Variants in CSPG5 observed in about 807,000 individuals in gnomAD.
CSPG5 encodes the protein acidic leucine-rich EGF-like domain-containing brain protein.
A neutral mutation model predicts 39.8 loss-of-function variants in CSPG5; 25 were observed. The observed-to-expected ratio is 0.63, with a 90% CI of 0.46 to 0.88. The LOEUF (loss-of-function observed/expected upper bound fraction) is 0.88. CSPG5 is among the 40% of genes least tolerant of loss of function. The probability of loss-of-function intolerance (pLI) is 0.00; values close to 1 mark genes in which losing one functional copy is unlikely to be tolerated. For missense variants in CSPG5, 627 were observed against 702.2 expected (o/e 0.89, Z 1.21); for synonymous variants, 295 against 303.9 (o/e 0.97, Z 0.31).
chr3:47,578,562 A>T lies in CSPG5; in HGVS notation c.97+35T>A. 1 of 809,846 alleles carries T rather than the reference A, an allele frequency of 1.2e-6. No individual in the cohort carries two copies. Among genetic ancestry groups the T allele is most frequent in the Non-Finnish European group, 1.6e-6 (1 of 627,542 alleles). The allele number at this position is 809,846 out of a possible 1,614,324, so 50.2% of individuals were successfully genotyped here. A position where few individuals can be genotyped will look rare whatever the true frequency, so the allele number is the denominator to read the frequency against. The stretch of plus-strand genomic sequence containing the variant: ...GGACCCCTGCCCTGGGTGGGGCACG[A>T]GGGCCGCGGGGGTCCCGGGCGCAGT... On this transcript the variant is annotated intron_variant, in intron 1 of 4. Coordinates refer to ENST00000264723, the MANE Select transcript of CSPG5 (RefSeq NM_006574.4). The surrounding 1 kb of genome is among the most constrained non-coding windows in gnomAD (Gnocchi z 6.0).
In CSPG5 at chr3:47,577,899, C is replaced by A; in HGVS notation, c.127G>T (p.Glu43Ter). The A allele has an allele frequency of 2.7e-6, 4 of 1,477,324 alleles. No homozygotes were observed. The highest frequency in any genetic ancestry group is 3.5e-6 in the Non-Finnish European group (4 of 1,127,614). The allele number at this position is 1,477,324 out of a possible 1,614,324, so 91.5% of individuals were successfully genotyped here. A position where few individuals can be genotyped will look rare whatever the true frequency, so the allele number is the denominator to read the frequency against. Residue 43 changes from glutamate (E) to a stop codon, truncating the protein, a stop_gained, in exon 2 of 5, where the codon GAA (glutamate) becomes TAA (stop). Coordinates refer to ENST00000264723, the MANE Select transcript of CSPG5 (RefSeq NM_006574.4). LOFTEE classifies it high-confidence loss of function. This position sits in a 1 kb window ranked among gnomAD's most constrained non-coding sequence, Gnocchi z 4.7. ...GCCGGGCTGCCCTTCACCAGCTCTT[C>A]GGCCTCAACCGCGCTGCCCGCCTCA... ...AREAGSAVEA[E>*]ELVKGSPAWE... is the part of the protein sequence containing the mutation.
At chr3:47,573,231 A>G (rs995168949) in intron 2 of CSPG5, among the ~76,000 whole-genome samples, 3 of 152,216 alleles carry the variant, frequency 2.0e-5, no homozygotes, top group Non-Finnish European at 2.9e-5. Flanking sequence ...GGATCCTCTC[A>G]GGCCTCTCCC....
At position 47,576,848 on chromosome 3, in the gene CSPG5, A is replaced by G. The variant is rs2031757617; in HGVS notation, c.1178T>C (p.Ile393Thr). Residue 393 changes from isoleucine to threonine, a missense_variant, in exon 2 of 5, where the codon ATA becomes ACA. Ile to Thr is a moderately conservative substitution (Grantham distance 89, BLOSUM62 -1). Coordinates refer to ENST00000264723, the MANE Select transcript of CSPG5 (RefSeq NM_006574.4). ...NGGQCYLVEN[I>T]GAFCRCNTQD... ...ATGCCCTTACCTGCAGAAGGCCCCT[A>G]TGTTCTCCACCAGGTAGCACTGGCC... 8.3e-6 allele frequency: 13 copies of G among 1,562,820 alleles called. No homozygotes were observed. In the East Asian group the frequency reaches 2.7e-4, roughly 32 times the overall value.
intron 3 of CSPG5, among the ~76,000 whole-genome samples, chr3:47,571,200 G>A (rs2031515734): frequency 6.6e-6 from 1 of 152,176 alleles, no homozygotes; most frequent in Non-Finnish European, 1.5e-5. Context: ...AATTATGGCA[G>A]TATCTGCAGT....
intron 2 of CSPG5, among the ~76,000 whole-genome samples, chr3:47,574,009 C>T (rs1275795280): frequency 6.6e-6 from 1 of 152,186 alleles, no homozygotes; most frequent in Admixed American, 6.5e-5. Flanking sequence ...TCAGCAGTCT[C>T]CTGTGAGTGG....
At position 47,577,804 on chromosome 3, in the gene CSPG5, C is replaced by T; in HGVS notation, c.222G>A (p.Ser74=). 1 of 1,581,226 alleles carries T rather than the reference C, an allele frequency of 6.3e-7. No individual in the cohort carries two copies. Among genetic ancestry groups the T allele is most frequent in the Non-Finnish European group, 8.5e-7 (1 of 1,172,546 alleles). Residue 74 remains serine (S), a synonymous_variant, in exon 2 of 5, where the codon TCG becomes TCA. Transcript: ENST00000264723. This position sits in a 1 kb window ranked among gnomAD's most constrained non-coding sequence, Gnocchi z 4.7. ...GPPAAGEDEA[S]WTAPGGELAG... is the part of the protein sequence containing the mutation. ...CCAGCTCGCCACCGGGCGCCGTCCACGACGCCTCATCTTCCCCAGCCGCTG... is the reference window on the plus strand; with the variant it reads ...CCAGCTCGCCACCGGGCGCCGTCCATGACGCCTCATCTTCCCCAGCCGCTG...
In CSPG5 at chr3:47,576,919, G is replaced by A; in HGVS notation, c.1107C>T (p.Ser369=). Reference sequence around the variant, plus strand: ...GGAAGAGGTCGCACACTGACCGGCAGGAGCCGTTATGCCGCACAAAGCCAC... The same window carrying A: ...GGAAGAGGTCGCACACTGACCGGCAAGAGCCGTTATGCCGCACAAAGCCAC... ...CRSGFVRHNG[S]CRSVCDLFPS... Residue 369 remains serine (S), a synonymous_variant, in exon 2 of 5, where the codon TCC becomes TCT. Coordinates refer to ENST00000264723, the MANE Select transcript of CSPG5 (RefSeq NM_006574.4). 1 of 1,611,790 alleles carries A rather than the reference G, an allele frequency of 6.2e-7. No individual in the cohort carries two copies. Among genetic ancestry groups the A allele is most frequent in the South Asian group, 1.1e-5 (1 of 90,872 alleles).
At chr3:47,571,159 TG>T (rs1340440917) in intron 3 of CSPG5, among the ~76,000 whole-genome samples, 1 of 151,084 alleles carries the variant, frequency 6.6e-6, no homozygotes, top group East Asian at 1.9e-4. Context: ...TGTTAATATG[TG>T]GGGAAAAAAG....
chr3:47,579,560 T>G (rs2031916822), upstream of CSPG5: 1 of 152,282 alleles, frequency 6.6e-6, no homozygotes, highest in South Asian at 2.1e-4. This position sits in a 1 kb window ranked among gnomAD's most constrained non-coding sequence, Gnocchi z 4.2. Flanking sequence ...TCCCTGGGAC[T>G]GCGGCTACCT....
At position 47,576,870 on chromosome 3, in the gene CSPG5, G is replaced by C. The variant is rs774541374; in HGVS notation, c.1156C>G (p.Gln386Glu). Residue 386 changes from glutamine (Q) to glutamate (E), a missense_variant, in exon 2 of 5, where the codon CAG becomes GAG. Transcript: ENST00000264723. ...CCTATGTTCTCCACCAGGTAGCACT[G>C]GCCGCCATTGTGACAGTAACTTGGG... ...LFPSYCHNGG[Q>E]CYLVENIGAF... is the part of the protein sequence containing the mutation. 6.3e-7 allele frequency: 1 copy of C among 1,584,564 alleles called. No individual in the cohort carries two copies. Among genetic ancestry groups the C allele is most frequent in the Admixed American group, 1.7e-5 (1 of 57,718 alleles).
Position 47,578,365 on chromosome 3 carries a change from C to A in CSPG5, c.97+232G>T, listed in dbSNP as rs1433338575. Among the ~76,000 whole-genome samples the A allele has an allele frequency of 2.7e-4, 40 of 150,220 alleles. No homozygotes were observed. The highest frequency in any genetic ancestry group is 9.5e-4 in the African/African-American group (39 of 41,014). On this transcript the variant is annotated intron_variant, in intron 1 of 4. Transcript: ENST00000264723. The surrounding 1 kb of genome is among the most constrained non-coding windows in gnomAD (Gnocchi z 6.0). ...CCCCGGCCCCGCCCCCAGTCCGCAC[C>A]GCGGCCCGCGCGCTTGGGTCCCGGC...
In CSPG5 at chr3:47,577,897, T is replaced by C; in HGVS notation, c.129A>G (p.Glu43=). 1 of 1,487,888 alleles carries C rather than the reference T, an allele frequency of 6.7e-7. No homozygotes were observed. Among genetic ancestry groups the C allele is most frequent in the Non-Finnish European group, 8.8e-7 (1 of 1,132,184 alleles). 92.2% of individuals were successfully genotyped at this position (1,487,888 alleles called of 1,614,324 possible). A position where few individuals can be genotyped will look rare whatever the true frequency, so the allele number is the denominator to read the frequency against. The change falls in exon 2 of 5, where the codon GAA becomes GAG. Residue 43 remains glutamate, a synonymous_variant. Coordinates refer to ENST00000264723, the MANE Select transcript of CSPG5 (RefSeq NM_006574.4). This position sits in a 1 kb window ranked among gnomAD's most constrained non-coding sequence, Gnocchi z 4.7. ...ACGCCGGGCTGCCCTTCACCAGCTC[T>C]TCGGCCTCAACCGCGCTGCCCGCCT... is the stretch of plus-strand genomic sequence containing the variant. ...AREAGSAVEA[E]ELVKGSPAWE...
At chr3:47,571,355 C>T (rs2031521229) in intron 3 of CSPG5, among the ~76,000 whole-genome samples, 1 of 152,222 alleles carries the variant, frequency 6.6e-6, no homozygotes, top group African/African-American at 2.4e-5. Context: ...TGCACCTGGC[C>T]TCAGCTCTTG....
At chr3:47,576,032 G>C (rs951133806) in intron 2 of CSPG5, among the ~76,000 whole-genome samples, 2 of 150,698 alleles carry the variant, frequency 1.3e-5, no homozygotes, top group African/African-American at 4.9e-5. Flanking sequence ...CCACCTCCTG[G>C]GTTCAAGCAA....
At position 47,577,751 on chromosome 3, in the gene CSPG5, G is replaced by A. The variant is rs900237513; in HGVS notation, c.275C>T (p.Ser92Leu). 2.5e-6 allele frequency: 4 copies of A among 1,585,950 alleles called. No homozygotes were observed. In the South Asian group the frequency reaches 3.4e-5, roughly 13 times the overall value. The change falls in exon 2 of 5, where the codon TCG becomes TTG. Residue 92 changes from serine to leucine, a missense_variant. Ser to Leu is a moderately radical substitution (Grantham distance 145). Transcript: ENST00000264723. This position sits in a 1 kb window ranked among gnomAD's most constrained non-coding sequence, Gnocchi z 4.7. ...LAGPEEVLQESAAVTGTAWLE... is the reference protein window; with the variant it reads ...LAGPEEVLQELAAVTGTAWLE... ...CCAGGCGGTGCCGGTCACCGCAGCC[G>A]ACTCCTGCAGCACCTCTTCTGGCCC... is the stretch of plus-strand genomic sequence containing the variant.
chr3:47,577,830 G>A lies in CSPG5; in HGVS notation c.196C>T (p.Pro66Ser). Residue 66 changes from proline (P) to serine (S), a missense_variant, in exon 2 of 5, where the codon CCA (proline) becomes TCA (serine). Coordinates refer to ENST00000264723, the MANE Select transcript of CSPG5 (RefSeq NM_006574.4). This position sits in a 1 kb window ranked among gnomAD's most constrained non-coding sequence, Gnocchi z 4.7. Reference sequence around the variant, plus strand: ...GACGCCTCATCTTCCCCAGCCGCTGGTGGGCCGGCTTCTTCCCGCGTGTCG... The same window carrying A: ...GACGCCTCATCTTCCCCAGCCGCTGATGGGCCGGCTTCTTCCCGCGTGTCG... ...ANDTREEAGP[P>S]AAGEDEASWT... 1 of 1,569,876 alleles carries A rather than the reference G, an allele frequency of 6.4e-7. No individual in the cohort carries two copies. Among genetic ancestry groups the A allele is most frequent in the Non-Finnish European group, 8.6e-7 (1 of 1,167,884 alleles).
intron 2 of CSPG5, 92 bp downstream of exon 2, chr3:47,576,741 T>C (rs2031752647): frequency 7.1e-7 from 1 of 1,414,430 alleles, no homozygotes; most frequent in South Asian, 1.4e-5. Flanking sequence ...ATTACAGGCG[T>C]GAGCCAACGC....
At position 47,572,549 on chromosome 3, in the gene CSPG5, GACA is replaced by G; in HGVS notation, c.1382+134_1382+136del. 1.3e-6 allele frequency: 1 copy of G among 751,946 alleles called. No individual in the cohort carries two copies. The highest frequency in any genetic ancestry group is 1.8e-5 in the South Asian group (1 of 56,048). 46.6% of individuals were successfully genotyped at this position (751,946 alleles called of 1,614,324 possible). On this transcript the variant is annotated intron_variant, in intron 3 of 4. Coordinates refer to ENST00000264723, the MANE Select transcript of CSPG5 (RefSeq NM_006574.4). The surrounding 1 kb of genome is among the most constrained non-coding windows in gnomAD (Gnocchi z 4.5). The stretch of plus-strand genomic sequence containing the variant: ...TGAGCCTGAGTGAATTTTTAGCACA[GACA>G]AAACAGCTGGGAATGGAGCACAGGT...
At chr3:47,574,614 T>C (rs1356778295) in intron 2 of CSPG5, among the ~76,000 whole-genome samples, 1 of 152,236 alleles carries the variant, frequency 6.6e-6, no homozygotes, top group African/African-American at 2.4e-5. Context: ...GGTCACATCC[T>C]ATGAGTGACC....
Sources: gnomAD v4.1 joint callset for allele counts (sites outside exome capture counted in the v4.1 genomes callset) on GRCh38, gnomAD v4.1.1 for gene constraint, Gnocchi (gnomAD v3.1) non-coding constraint, MANE v1.5 for transcripts, NCBI Gene and HGNC (gene_info 2026-07-23, HGNC 2026-07-21) for gene names.